The following PDIA6 variants were observed in gnomAD, a reference collection of about 807,000 sequenced individuals.
PDIA6 encodes the protein protein disulfide-isomerase A6.
In PDIA6, 29 loss-of-function variants were observed where a neutral mutation model predicts 58.4. The ratio of observed to expected loss-of-function variants is 0.50; its 90% confidence interval spans 0.37 to 0.68. The LOEUF (loss-of-function observed/expected upper bound fraction) is 0.68. Ranked by LOEUF, PDIA6 falls within the 30% of genes least tolerant of loss-of-function variation. PDIA6 has a pLI of 0.00. For synonymous variants in PDIA6, 192 were observed against 202.6 expected (o/e 0.95, Z 0.44); for missense variants, 480 against 551.0 (o/e 0.87, Z 1.29).
At chr2:10,798,464 A>G (rs1666362206) in intron 2 of PDIA6, among the ~76,000 whole-genome samples, 1 of 149,480 alleles carries the variant, frequency 6.7e-6, no homozygotes, top group Admixed American at 6.7e-5. Context: ...GCTATTGGGG[A>G]GGCTGAGGGA....
At chr2:10,830,987 C>G (rs113456708) in intron 1 of PDIA6, among the ~76,000 whole-genome samples, 1 of 152,176 alleles carries the variant, frequency 6.6e-6, no homozygotes, top group African/African-American at 2.4e-5. Flanking sequence ...CCTCCTGCAC[C>G]GGCCCAGCCC....
intron 4 of PDIA6, among the ~76,000 whole-genome samples, chr2:10,793,529 A>G (rs540452171): frequency 2.6e-5 from 4 of 152,100 alleles, no homozygotes; most frequent in African/African-American, 9.6e-5. Flanking sequence ...ATTTCTGGCT[A>G]ATTTTTGTAT....
At chr2:10,798,499 C>T (rs367634885) in intron 2 of PDIA6, among the ~76,000 whole-genome samples, 101 of 147,426 alleles carry the variant, frequency 6.9e-4, no homozygotes, top group African/African-American at 2.4e-3. Context: ...ACTCGGGAAA[C>T]GGAGGTTGCA....
At position 10,812,722 on chromosome 2, in the gene PDIA6, C is replaced by CCCA. The variant is rs1189201037; in HGVS notation, c.-29_-27dup. 4.7e-6 allele frequency: 7 copies of CCCA among 1,501,660 alleles called. No homozygotes were observed. The highest frequency in any genetic ancestry group is 6.2e-6 in the Non-Finnish European group (7 of 1,127,732). The allele number at this position is 1,501,660 out of a possible 1,614,324, so 93.0% of individuals were successfully genotyped here. ...GCCGAGCGCCGGGCTACGTGCAGTC[C>CCCA]CCACCGCCGCCGCCGCTTCAGCCCT... is the stretch of plus-strand genomic sequence containing the variant. On this transcript the variant is annotated 5_prime_UTR_variant, in exon 1 of 13. Coordinates refer to ENST00000272227, the MANE Select transcript of PDIA6 (RefSeq NM_005742.4).
intron 2 of PDIA6, among the ~76,000 whole-genome samples, chr2:10,801,451 C>CAT (rs1253944326): frequency 6.6e-6 from 1 of 152,104 alleles, no homozygotes; most frequent in Non-Finnish European, 1.5e-5. Context: ...TTACCTATGC[C>CAT]ATATATGATA....
At chr2:10,825,933 T>C (rs759534629) in intron 1 of PDIA6, among the ~76,000 whole-genome samples, 16 of 152,150 alleles carry the variant, frequency 1.1e-4, no homozygotes, top group Non-Finnish European at 2.1e-4. Flanking sequence ...CCTCAAATAA[T>C]TCAACAGTTA....
chr2:10,827,104 C>T (rs1389352714), intron 1 of PDIA6, among the ~76,000 whole-genome samples: 1 of 152,166 alleles, frequency 6.6e-6, no homozygotes, highest in Admixed American at 6.5e-5. Context: ...TGGTCTACTG[C>T]CCAGGCTGGA....
At chr2:10,831,322 C>G (rs1356576294) in intron 1 of PDIA6, among the ~76,000 whole-genome samples, 1 of 152,212 alleles carries the variant, frequency 6.6e-6, no homozygotes, top group Non-Finnish European at 1.5e-5. Context: ...CGGGGAAACG[C>G]AGGCTGGCTT....
chr2:10,824,874 G>C (rs892649220), intron 1 of PDIA6, among the ~76,000 whole-genome samples: 1 of 152,182 alleles, frequency 6.6e-6, no homozygotes, highest in Admixed American at 6.5e-5. Context: ...TTAATATAGA[G>C]TGTCAACTTG....
intron 1 of PDIA6, among the ~76,000 whole-genome samples, chr2:10,805,977 G>A (rs1666714699): frequency 3.4e-5 from 2 of 59,056 alleles, no homozygotes; most frequent in African/African-American, 8.0e-5. Flanking sequence ...GAGTTAGTGG[G>A]TGCAGTGCAC....
Position 10,803,911 on chromosome 2 carries a change from G to GTTTTTT in PDIA6, c.20-1277_20-1272dup, listed in dbSNP as rs754643092. ...TGCGTGTTTGTGTCCTAGTTTTTGT[G>GTTTTTT]TTTTTTTTTTTTTTTGAGACAGAGT... is the stretch of plus-strand genomic sequence containing the variant. On this transcript the variant is annotated intron_variant, in intron 1 of 12. Transcript: ENST00000272227. Among the ~76,000 whole-genome samples the GTTTTTT allele has an allele frequency of 6.8e-5, 8 of 117,906 alleles. 1 individual carries two copies. The highest frequency in any genetic ancestry group is 3.0e-4 in the Admixed American group (3 of 10,078). 77.4% of individuals were successfully genotyped at this position (117,906 alleles called of 152,430 possible). A position where few individuals can be genotyped will look rare whatever the true frequency, so the allele number is the denominator to read the frequency against.
intron 1 of PDIA6, among the ~76,000 whole-genome samples, chr2:10,829,913 T>G (rs777681985): frequency 1.3e-5 from 2 of 152,170 alleles, no homozygotes; most frequent in Non-Finnish European, 2.9e-5. Flanking sequence ...GAAGTCCACA[T>G]GCCTTCGCGA....
upstream of PDIA6, among the ~76,000 whole-genome samples, chr2:10,814,425 C>CCGGTGAT (rs1667128875): frequency 6.6e-6 from 1 of 152,218 alleles, no homozygotes; most frequent in Non-Finnish European, 1.5e-5. Flanking sequence ...GGAAGCCCAA[C>CCGGTGAT]CGGTGATCGC....
upstream of PDIA6, among the ~76,000 whole-genome samples, chr2:10,835,588 C>G (rs934994454): frequency 5.3e-5 from 8 of 152,166 alleles, no homozygotes; most frequent in Non-Finnish European, 8.8e-5. Context: ...TGTGCCAGAT[C>G]GGGACGATGT....
chr2:10,797,846 A>C (rs919936858), intron 2 of PDIA6, 89 bp from the exon 3 acceptor site: 1 of 1,034,526 alleles, frequency 9.7e-7, no homozygotes, highest in Non-Finnish European at 1.5e-6. Flanking sequence ...AACCCCATCA[A>C]TGGTCTATTG....
intron 2 of PDIA6, among the ~76,000 whole-genome samples, chr2:10,802,176 C>A (rs2148552687): frequency 6.6e-6 from 1 of 152,310 alleles, no homozygotes; most frequent in Non-Finnish European, 1.5e-5. Flanking sequence ...TTAAATTAAA[C>A]CAGATTTTCT....
At chr2:10,806,632 A>AGACAGACAGAC (rs1345997507) in intron 1 of PDIA6, among the ~76,000 whole-genome samples, 9 of 121,236 alleles carry the variant, frequency 7.4e-5, no homozygotes, top group South Asian at 3.1e-4. Flanking sequence ...TAAAGACAGA[A>AGACAGACAGAC]AGAAAGAAAG....
At chr2:10,834,711 C>T (rs1667786657), upstream of PDIA6, among the ~76,000 whole-genome samples, 1 of 51,040 alleles carries the variant, frequency 2.0e-5, no homozygotes, top group Admixed American at 1.8e-4. Context: ...CCCTCCCTCC[C>T]TCCCTCCCTC....
At chr2:10,784,861 G>A (rs1665629108) in intron 12 of PDIA6, 73 bp downstream of exon 12, 2 of 1,118,472 alleles carry the variant, frequency 1.8e-6, no homozygotes, top group South Asian at 1.3e-5. Flanking sequence ...CTTGACTCCA[G>A]GTGCAGAGAT....
Sources: gnomAD v4.1 joint callset for allele counts (sites outside exome capture counted in the v4.1 genomes callset) on GRCh38, gnomAD v4.1.1 for gene constraint, MANE v1.5 for transcripts, NCBI Gene and HGNC (gene_info 2026-07-23, HGNC 2026-07-21) for gene names.